CALU: variants seen among roughly 807,000 people sequenced by gnomAD.
The protein encoded by CALU is IEF SSP 9302.
CALU carries 13 observed loss-of-function variants against 37.5 expected under a neutral mutation model. That is an observed-to-expected ratio of 0.35 (90% CI 0.23 to 0.55). CALU has a LOEUF of 0.55. Ranked by LOEUF, CALU falls within the 20% of genes least tolerant of loss-of-function variation. CALU has a pLI of 0.89. For synonymous variants in CALU, 114 were observed against 133.8 expected, an observed-to-expected ratio of 0.85 and a Z score of 1.02; for missense variants, 282 against 391.7, an observed-to-expected ratio of 0.72 and a Z score of 2.36.
rs764975079 is a variant in CALU at position 128,754,247 on chromosome 7, C to T, written c.222-15C>T. 5.0e-6 allele frequency: 8 copies of T among 1,595,390 alleles called. No homozygotes were observed. In the South Asian group the frequency reaches 7.9e-5, roughly 16 times the overall value. On this transcript the variant is annotated splice_polypyrimidine_tract_variant and intron_variant, in intron 2 of 6. Coordinates refer to ENST00000249364, the MANE Select transcript of CALU (RefSeq NM_001219.5). ...CTTTTTAACCTTTTGCTGGATTTCTCTGCATTTTCTACAGAAAGATTGTAA... is the reference window on the plus strand; with the variant it reads ...CTTTTTAACCTTTTGCTGGATTTCTTTGCATTTTCTACAGAAAGATTGTAA...
Position 128,772,419 on chromosome 7 carries a change from C to T in CALU, c.*3252C>T. On this transcript the variant is annotated 3_prime_UTR_variant, in exon 7 of 7. Transcript: ENST00000249364. The stretch of plus-strand genomic sequence containing the variant: ...ATGAAAAATTGACTCCCCAAACTGC[C>T]ATCACTCCTTTTACCATCTTTTTTG... 8.2e-7 allele frequency: 1 copy of T among 1,224,752 alleles called. No homozygotes were observed. Among genetic ancestry groups the T allele is most frequent in the Non-Finnish European group, 1.2e-6 (1 of 850,456 alleles). 75.9% of individuals were successfully genotyped at this position (1,224,752 alleles called of 1,614,324 possible).
intron 2 of CALU, among the ~76,000 whole-genome samples, chr7:128,753,500 T>A (rs750351611): frequency 1.3e-5 from 2 of 152,242 alleles, no homozygotes; most frequent in Non-Finnish European, 2.9e-5. Flanking sequence ...AGCTTTGTGG[T>A]TTTGCTTTAT....
chr7:128,772,612 A>G lies in CALU; in HGVS notation c.*3445A>G. On this transcript the variant is annotated 3_prime_UTR_variant, in exon 7 of 7. Coordinates refer to ENST00000249364, the MANE Select transcript of CALU (RefSeq NM_001219.5). ...TCTGGGAGCTGCATGTGTCGGATTC[A>G]TCTGTCATGGCCTTCCCACACACCA... 1 of 1,614,184 alleles carries G rather than the reference A, an allele frequency of 6.2e-7. No individual in the cohort carries two copies. Among genetic ancestry groups the G allele is most frequent in the South Asian group, 1.1e-5 (1 of 91,084 alleles).
intron 5 of CALU, among the ~76,000 whole-genome samples, chr7:128,766,206 C>T (rs988064702): frequency 3.9e-5 from 6 of 152,066 alleles, no homozygotes; most frequent in African/African-American, 1.5e-4. Flanking sequence ...AAGTGATCCA[C>T]CCGCCTCAGC....
intron 1 of CALU, among the ~76,000 whole-genome samples, chr7:128,743,465 A>G (rs1190792898): frequency 6.6e-6 from 1 of 151,824 alleles, no homozygotes; most frequent in Non-Finnish European, 1.5e-5. Context: ...ATCTGTACCT[A>G]TTCCTCTAAA....
rs773423213 is a variant in CALU at position 128,772,490 on chromosome 7, TAAAAGTAA to T, written c.*3326_*3333del. 6.2e-7 allele frequency: 1 copy of T among 1,612,126 alleles called. No homozygotes were observed. Among genetic ancestry groups the T allele is most frequent in the East Asian group, 2.2e-5 (1 of 44,852 alleles). On this transcript the variant is annotated 3_prime_UTR_variant, in exon 7 of 7. Transcript: ENST00000249364. The stretch of plus-strand genomic sequence containing the variant: ...CTGACGGAGACAATAGAAACTTACT[TAAAAGTAA>T]AATTTAATTCTAGCTGTTGCAAACA...
At chr7:128,758,777 G>A in intron 3 of CALU, 94 bp from the exon 4 acceptor site, 1 of 862,642 alleles carries the variant, frequency 1.2e-6, no homozygotes, top group Non-Finnish European at 1.9e-6. Context: ...TTCCTTGCAT[G>A]GTTTTATCTT....
intron 2 of CALU, among the ~76,000 whole-genome samples, chr7:128,751,453 G>A (rs956912501): frequency 4.6e-5 from 7 of 152,070 alleles, no homozygotes; most frequent in Non-Finnish European, 1.0e-4. Context: ...TGGGCTAGGC[G>A]CAATGGCTCA....
At chr7:128,757,495 A>T (rs1187910465) in intron 3 of CALU, among the ~76,000 whole-genome samples, 2 of 152,128 alleles carry the variant, frequency 1.3e-5, no homozygotes, top group Non-Finnish European at 2.9e-5. Flanking sequence ...AAAATAGTAC[A>T]GTAGTTTTGT....
At chr7:128,739,844 A>T (rs543296620) in intron 1 of CALU, among the ~76,000 whole-genome samples, 1 of 151,874 alleles carries the variant, frequency 6.6e-6, no homozygotes, top group Non-Finnish European at 1.5e-5. Context: ...TCCACTCACC[A>T]TCCTGCTTGT....
chr7:128,751,537 G>A (rs1037633651), intron 2 of CALU, among the ~76,000 whole-genome samples: 40 of 151,866 alleles, frequency 2.6e-4, no homozygotes, highest in African/African-American at 8.7e-4. Flanking sequence ...GACCAGCCTG[G>A]GCAATATAGG....
intron 1 of CALU, among the ~76,000 whole-genome samples, chr7:128,746,591 C>G (rs1307335645): frequency 1.3e-5 from 2 of 152,028 alleles, no homozygotes; most frequent in African/African-American, 4.8e-5. Flanking sequence ...GTAGCTGAGA[C>G]TACAGGTGTA....
chr7:128,748,772 G>C lies in CALU; in HGVS notation c.189G>C (p.Gln63His). ...LGAEEAKTFD[Q>H]LTPEESKERL... ...CTGAAGAAGCAAAGACCTTTGATCA[G>C]CTGACACCAGAAGAGAGCAAGGAAA... The change falls in exon 2 of 7, where the codon CAG (glutamine) becomes CAC (histidine). Residue 63 changes from glutamine to histidine, a missense_variant. Coordinates refer to ENST00000249364, the MANE Select transcript of CALU (RefSeq NM_001219.5). The C allele has an allele frequency of 6.2e-7, 1 of 1,614,120 alleles. No homozygotes were observed. Among genetic ancestry groups the C allele is most frequent in the Non-Finnish European group, 8.5e-7 (1 of 1,179,982 alleles).
intron 1 of CALU, among the ~76,000 whole-genome samples, chr7:128,746,870 G>A (rs974422081): frequency 4.7e-5 from 7 of 147,394 alleles, no homozygotes; most frequent in Non-Finnish European, 8.9e-5. Flanking sequence ...CTGGGTTCAC[G>A]CCATTCTCCT....
chr7:128,751,961 C>T (rs1800691970), intron 2 of CALU, among the ~76,000 whole-genome samples: 1 of 152,200 alleles, frequency 6.6e-6, no homozygotes, highest in African/African-American at 2.4e-5. Context: ...ATAGGGTTCT[C>T]CCCTGTCACA....
chr7:128,762,965 C>T (rs1239153139), intron 5 of CALU, among the ~76,000 whole-genome samples: 36 of 152,102 alleles, frequency 2.4e-4, no homozygotes, highest in Admixed American at 2.4e-3. Flanking sequence ...CTGCACCTGC[C>T]CCCAAATTAG....
chr7:128,746,762 CTTTTTTTT>C (rs71162530), intron 1 of CALU, among the ~76,000 whole-genome samples: 2 of 122,666 alleles, frequency 1.6e-5, no homozygotes, highest in African/African-American at 6.9e-5. Flanking sequence ...TCATGTCATT[CTTTTTTTT>C]TTTTTTTTTT....
chr7:128,768,357 G>C (rs1801410896), intron 6 of CALU, among the ~76,000 whole-genome samples: 1 of 152,216 alleles, frequency 6.6e-6, no homozygotes, highest in East Asian at 1.9e-4. Flanking sequence ...AGTCACTTTA[G>C]TAGCCAGGTG....
chr7:128,748,857 G>A, intron 2 of CALU, 53 bp downstream of exon 2: 1 of 1,229,966 alleles, frequency 8.1e-7, no homozygotes. Context: ...TCTTTATAAA[G>A]GCTAATTCTT....
Sources: gnomAD v4.1 joint callset for allele counts (sites outside exome capture counted in the v4.1 genomes callset) on GRCh38, gnomAD v4.1.1 for gene constraint, MANE v1.5 for transcripts, NCBI Gene and HGNC (gene_info 2026-07-23, HGNC 2026-07-21) for gene names.